Variants in MACROD2 observed in about 807,000 individuals in gnomAD.
The protein encoded by MACROD2 is mono-ADP ribosylhydrolase 2.
Under a neutral mutation model 70.4 loss-of-function variants are expected in MACROD2, and 36 were observed. That is an observed-to-expected ratio of 0.51 (90% CI 0.39 to 0.68). MACROD2 has a LOEUF of 0.68. Ranked by LOEUF, MACROD2 falls within the 30% of genes least tolerant of loss-of-function variation. The pLI is 0.00. For missense variants in MACROD2, 496 were observed against 538.4 expected, an observed-to-expected ratio of 0.92 and a Z score of 0.78; for synonymous variants, 172 against 178.8, an observed-to-expected ratio of 0.96 and a Z score of 0.30.
intron 5 of MACROD2, among the ~76,000 whole-genome samples, chr20:14,789,052 A>T (rs2072414126): frequency 6.6e-6 from 1 of 151,902 alleles, no homozygotes; most frequent in Non-Finnish European, 1.5e-5. Context: ...TACAGGCATG[A>T]GCCACCACGC....
chr20:15,469,111 C>A (rs1203865577), intron 7 of MACROD2, among the ~76,000 whole-genome samples: 1 of 152,188 alleles, frequency 6.6e-6, no homozygotes, highest in Non-Finnish European at 1.5e-5. Flanking sequence ...TCAACACTGA[C>A]ATACGTTCTG....
chr20:15,769,027 C>T lies in MACROD2; in HGVS notation c.646-93718C>T, dbSNP rs530767394. Among the ~76,000 whole-genome samples, 3 of 152,252 alleles carry T rather than the reference C, an allele frequency of 2.0e-5. No homozygotes were observed. In the South Asian group the frequency reaches 6.2e-4, roughly 32 times the overall value. On this transcript the variant is annotated intron_variant, in intron 8 of 17. Transcript: ENST00000684519. ...TCTTCTGGATACCTGAAGGACCTTC[C>T]TGAGGCTGTTTTACAATTAACCTTT...
chr20:15,580,466 G>T (rs933428702), intron 8 of MACROD2, among the ~76,000 whole-genome samples: 1 of 152,170 alleles, frequency 6.6e-6, no homozygotes, highest in Non-Finnish European at 1.5e-5. Context: ...AATTAGCTAT[G>T]TTAATGGTCT....
intron 5 of MACROD2, among the ~76,000 whole-genome samples, chr20:15,194,279 C>T (rs955906059): frequency 1.6e-4 from 22 of 138,754 alleles, no homozygotes; most frequent in African/African-American, 5.5e-4. Context: ...AAGCTTCTTC[C>T]AGAAATCAGT....
intron 4 of MACROD2, among the ~76,000 whole-genome samples, chr20:14,674,196 TTA>T (rs1428489795): frequency 6.6e-6 from 1 of 152,134 alleles, no homozygotes; most frequent in Non-Finnish European, 1.5e-5. Flanking sequence ...AGACTATGGT[TTA>T]TATTTCCTTT....
At chr20:15,112,209 T>C (rs1010113066) in intron 5 of MACROD2, among the ~76,000 whole-genome samples, 1 of 152,168 alleles carries the variant, frequency 6.6e-6, no homozygotes, top group Non-Finnish European at 1.5e-5. Context: ...ATATATCTTC[T>C]TAATCATTGC....
intron 8 of MACROD2, among the ~76,000 whole-genome samples, chr20:15,827,909 A>G (rs558773459): frequency 6.6e-6 from 1 of 152,300 alleles, no homozygotes; most frequent in East Asian, 1.9e-4. Flanking sequence ...GCTTCTGGAG[A>G]CTTCTCAGGA....
chr20:16,032,951 A>G (rs1344465981), intron 15 of MACROD2, among the ~76,000 whole-genome samples: 1 of 152,136 alleles, frequency 6.6e-6, no homozygotes, highest in Non-Finnish European at 1.5e-5. Context: ...GAAGAGCAGC[A>G]CAATGGGTTA....
intron 8 of MACROD2, among the ~76,000 whole-genome samples, chr20:15,627,149 A>G (rs1373342027): frequency 2.7e-5 from 4 of 149,686 alleles, no homozygotes; most frequent in Non-Finnish European, 4.4e-5. Context: ...GATTTGGATC[A>G]TGTTCAGGGA....
chr20:14,396,648 G>A (rs2083582511), intron 3 of MACROD2, among the ~76,000 whole-genome samples: 1 of 152,074 alleles, frequency 6.6e-6, no homozygotes, highest in South Asian at 2.1e-4. Flanking sequence ...AATCTGGGCT[G>A]AGCGCAGTGG....
At chr20:15,750,230 A>G (rs557299387) in intron 8 of MACROD2, among the ~76,000 whole-genome samples, 1 of 152,196 alleles carries the variant, frequency 6.6e-6, no homozygotes, top group African/African-American at 2.4e-5. Context: ...TCAAATAGCC[A>G]ATAGGTACAT....
At position 15,171,720 on chromosome 20, in the gene MACROD2, G is replaced by A. The variant is rs1046389075; in HGVS notation, c.419-58220G>A. ...GACTTTCTTTGAAAACACTTTAAAT[G>A]AAATATGTTCTCCTCCTTCTATCCC... On this transcript the variant is annotated intron_variant, in intron 5 of 17. Transcript: ENST00000684519. Among the ~76,000 whole-genome samples the A allele has an allele frequency of 7.2e-5, 11 of 152,174 alleles. No individual in the cohort carries two copies. The East Asian group carries it at 2.1e-3, about 29-fold the overall frequency.
chr20:15,022,892 A>G (rs1293972562), intron 5 of MACROD2: 1 of 152,216 alleles, frequency 6.6e-6, no homozygotes, highest in Non-Finnish European at 1.5e-5. Context: ...TTGGAACGAT[A>G]CAGAGAATAT....
At chr20:14,106,524 A>G (rs897409600) in intron 3 of MACROD2, among the ~76,000 whole-genome samples, 26 of 152,138 alleles carry the variant, frequency 1.7e-4, no homozygotes, top group African/African-American at 6.0e-4. Flanking sequence ...GGGAGGGACA[A>G]AAATCTGGCT....
chr20:15,968,837 A>G (rs2066185172), intron 13 of MACROD2, among the ~76,000 whole-genome samples: 1 of 133,744 alleles, frequency 7.5e-6, no homozygotes, highest in South Asian at 2.4e-4. Context: ...ATATATATAT[A>G]TACACACATA....
At chr20:15,004,158 C>T (rs867231374) in intron 5 of MACROD2, among the ~76,000 whole-genome samples, 7 of 152,314 alleles carry the variant, frequency 4.6e-5, no homozygotes, top group Middle Eastern at 3.4e-3. Flanking sequence ...TGTGGTGTGG[C>T]TGTCCTCATG....
intron 6 of MACROD2, among the ~76,000 whole-genome samples, chr20:15,315,037 A>T (rs2077794012): frequency 6.6e-6 from 1 of 152,226 alleles, no homozygotes; most frequent in South Asian, 2.1e-4. Context: ...TCACCAGATG[A>T]TTTCAATAAA....
intron 8 of MACROD2, among the ~76,000 whole-genome samples, chr20:15,569,813 C>G (rs1413443022): frequency 6.6e-6 from 1 of 152,124 alleles, no homozygotes; most frequent in Non-Finnish European, 1.5e-5. Flanking sequence ...CTGCAAATGA[C>G]AGGATTTCCT....
chr20:15,547,775 G>A (rs954872019), intron 8 of MACROD2, among the ~76,000 whole-genome samples: 3 of 152,168 alleles, frequency 2.0e-5, no homozygotes, highest in Non-Finnish European at 2.9e-5. Context: ...TAGCAGGACC[G>A]AGCAGCTGGC....
Sources: gnomAD v4.1 joint callset for allele counts (sites outside exome capture counted in the v4.1 genomes callset) on GRCh38, gnomAD v4.1.1 for gene constraint, MANE v1.5 for transcripts, NCBI Gene and HGNC (gene_info 2026-07-23, HGNC 2026-07-21) for gene names.